The following CNTNAP2 variants were observed in gnomAD, a reference collection of about 807,000 sequenced individuals.
CNTNAP2 encodes contactin associated protein 2.
Under a neutral mutation model 155.2 loss-of-function variants are expected in CNTNAP2, and 98 were observed. That is an observed-to-expected ratio of 0.63 (90% CI 0.54 to 0.75). The LOEUF (loss-of-function observed/expected upper bound fraction) is 0.75, where lower values mean the gene tolerates loss of function less well. CNTNAP2 is among the 30% of genes least tolerant of loss of function. The pLI, the probability that CNTNAP2 is intolerant of heterozygous loss-of-function variation, is 0.00. For missense variants in CNTNAP2, 1,727 were observed against 1,688.1 expected (o/e 1.02, Z -0.40); for synonymous variants, 651 against 631.2 (o/e 1.03, Z -0.47).
chr7:146,235,631 C>G (rs1001268237), intron 1 of CNTNAP2, among the ~76,000 whole-genome samples: 2 of 152,034 alleles, frequency 1.3e-5, no homozygotes, highest in African/African-American at 4.8e-5. Flanking sequence ...CCCCTTTTCC[C>G]CAAGTGGTCA....
In CNTNAP2 at chr7:146,370,260, T is replaced by TAAAA. The variant is rs34996621; in HGVS notation, c.97+253313_97+253316dup. On this transcript the variant is annotated intron_variant, in intron 1 of 23. Transcript: ENST00000361727. ...AATAGGTGAAACCCCATCTCTACTT[T>TAAAA]AAAAAAAAAAAAAAAAAAAAAAAAA... 2.2e-3 allele frequency among the ~76,000 whole-genome samples: 196 copies of TAAAA among 87,588 alleles called. 2 individuals carry two copies. The highest frequency in any genetic ancestry group is 9.7e-3 in the African/African-American group (188 of 19,374). The allele number at this position is 87,588 out of a possible 152,430, so 57.5% of individuals were successfully genotyped here. A position where few individuals can be genotyped will look rare whatever the true frequency, so the allele number is the denominator to read the frequency against.
At chr7:148,224,577 C>A (rs550042913) in intron 19 of CNTNAP2, among the ~76,000 whole-genome samples, 1 of 152,270 alleles carries the variant, frequency 6.6e-6, no homozygotes, top group East Asian at 1.9e-4. Flanking sequence ...AATTGGAAGG[C>A]TTTGAAGGAT....
At chr7:147,568,914 T>TCATCTTCTATCCTCTAACTCATTTTCTC (rs1489839103) in intron 12 of CNTNAP2, among the ~76,000 whole-genome samples, 1 of 152,164 alleles carries the variant, frequency 6.6e-6, no homozygotes, top group Non-Finnish European at 1.5e-5. Flanking sequence ...ATATTTTTCT[T>TCATCTTCTATCCTCTAACTCATTTTCTC]CATCTTCTAT....
In CNTNAP2 at chr7:147,286,774, C is replaced by T. The variant is rs567940616; in HGVS notation, c.1349-13367C>T. ...CTAAACTACTCGAGGGTCATATCTT[C>T]CCTTTCCATTCACCTACCATATTCT... On this transcript the variant is annotated intron_variant, in intron 8 of 23. Coordinates refer to ENST00000361727, the MANE Select transcript of CNTNAP2 (RefSeq NM_014141.6). Among the ~76,000 whole-genome samples, 5 of 152,200 alleles carry T rather than the reference C, an allele frequency of 3.3e-5. No individual in the cohort carries two copies. The East Asian group carries it at 9.6e-4, about 29-fold the overall frequency.
chr7:146,875,078 G>A (rs993912959), intron 3 of CNTNAP2, among the ~76,000 whole-genome samples: 23 of 151,992 alleles, frequency 1.5e-4, no homozygotes, highest in African/African-American at 4.1e-4. Context: ...TATAAGTAGC[G>A]AATAACTAAG....
At chr7:148,303,448 G>T (rs909553060) in intron 21 of CNTNAP2, among the ~76,000 whole-genome samples, 1 of 152,114 alleles carries the variant, frequency 6.6e-6, no homozygotes, top group Non-Finnish European at 1.5e-5. Context: ...TAGGAGCTTG[G>T]GCCCTGGCCA....
chr7:147,365,393 A>C (rs1584902081), intron 9 of CNTNAP2, among the ~76,000 whole-genome samples: 1 of 149,532 alleles, frequency 6.7e-6, no homozygotes, highest in African/African-American at 2.5e-5. Context: ...GAAAAAAAAA[A>C]AAAAAAAAAA....
chr7:146,859,266 G>T (rs1292148304), intron 3 of CNTNAP2, among the ~76,000 whole-genome samples: 4 of 152,178 alleles, frequency 2.6e-5, no homozygotes, highest in Admixed American at 2.6e-4. Flanking sequence ...GCACTTAAAT[G>T]TGTCTGTTGA....
intron 14 of CNTNAP2, among the ~76,000 whole-genome samples, chr7:147,919,842 C>T (rs1800237235): frequency 6.6e-6 from 1 of 151,722 alleles, no homozygotes; most frequent in Non-Finnish European, 1.5e-5. Flanking sequence ...CCACCTTAGC[C>T]TCCTAAAGTG....
chr7:147,668,386 T>C (rs150696461), intron 13 of CNTNAP2, among the ~76,000 whole-genome samples: 2,504 of 152,002 alleles, frequency 0.016, 222 homozygotes, highest in Admixed American at 0.15. Flanking sequence ...CTGAAAAGAG[T>C]GACACATCTT....
At chr7:147,065,090 A>C (rs2129263717) in intron 4 of CNTNAP2, among the ~76,000 whole-genome samples, 1 of 152,330 alleles carries the variant, frequency 6.6e-6, no homozygotes, top group South Asian at 2.1e-4. Context: ...ATGGACAAGA[A>C]ATCTACTGTA....
At chr7:147,104,781 A>C (rs916524438) in intron 4 of CNTNAP2, among the ~76,000 whole-genome samples, 12 of 149,082 alleles carry the variant, frequency 8.0e-5, no homozygotes, top group Admixed American at 6.7e-4. Flanking sequence ...CCCCAAACTC[A>C]AATTATTAGT....
At chr7:146,782,437 CA>C (rs1421564978) in intron 2 of CNTNAP2, among the ~76,000 whole-genome samples, 25 of 152,282 alleles carry the variant, frequency 1.6e-4, no homozygotes, top group African/African-American at 6.0e-4. Flanking sequence ...CAGTGCTGAG[CA>C]GTAAAAGGAG....
chr7:147,366,513 C>T (rs1175605803), intron 9 of CNTNAP2, among the ~76,000 whole-genome samples: 1 of 151,692 alleles, frequency 6.6e-6, no homozygotes, highest in African/African-American at 2.4e-5. Flanking sequence ...CTAATTCTTT[C>T]ATAGTTTCCT....
chr7:147,464,434 T>G (rs1798078546), intron 10 of CNTNAP2, among the ~76,000 whole-genome samples: 1 of 127,454 alleles, frequency 7.8e-6, no homozygotes, highest in Non-Finnish European at 1.6e-5. Context: ...GCCACTGCAC[T>G]CCAGCCTGGG....
chr7:146,833,900 A>G (rs1361286181), intron 2 of CNTNAP2, among the ~76,000 whole-genome samples: 1 of 152,066 alleles, frequency 6.6e-6, no homozygotes, highest in Non-Finnish European at 1.5e-5. Flanking sequence ...GATCCTGGCT[A>G]TGTCTTTTCA....
At chr7:146,460,531 T>C (rs1796621117) in intron 1 of CNTNAP2, among the ~76,000 whole-genome samples, 1 of 152,182 alleles carries the variant, frequency 6.6e-6, no homozygotes, top group Non-Finnish European at 1.5e-5. Flanking sequence ...AACCCAAATG[T>C]CTATTGACTG....
chr7:146,928,606 C>G (rs537720031), intron 3 of CNTNAP2, among the ~76,000 whole-genome samples: 1 of 152,152 alleles, frequency 6.6e-6, no homozygotes, highest in African/African-American at 2.4e-5. Context: ...GTGCAGCGCA[C>G]CGTGCACGAG....
At chr7:146,259,102 T>G (rs1195683659) in intron 1 of CNTNAP2, among the ~76,000 whole-genome samples, 1 of 152,174 alleles carries the variant, frequency 6.6e-6, no homozygotes, top group African/African-American at 2.4e-5. Context: ...GTCTCTCTCC[T>G]GCCACCTTGT....
Sources: gnomAD v4.1 joint callset for allele counts (sites outside exome capture counted in the v4.1 genomes callset) on GRCh38, gnomAD v4.1.1 for gene constraint, MANE v1.5 for transcripts, NCBI Gene and HGNC (gene_info 2026-07-23, HGNC 2026-07-21) for gene names.